IQCK: variants seen among roughly 807,000 people sequenced by gnomAD.
IQCK encodes IQ domain-containing protein K.
IQCK carries 29 observed loss-of-function variants against 28.1 expected under a neutral mutation model. That is an observed-to-expected ratio of 1.03 (90% confidence interval 0.77 to 1.41). IQCK has a LOEUF of 1.41. Ranked by LOEUF, IQCK falls within the 40% of genes most tolerant of loss-of-function variation. The pLI, the probability that IQCK is intolerant of heterozygous loss-of-function variation, is 0.00. For missense variants in IQCK, 359 were observed against 314.7 expected (o/e 1.14, Z -1.07); for synonymous variants, 113 against 115.1 (o/e 0.98, Z 0.12).
At chr16:19,780,049 ATTTATTTATTTG>A (rs1338478843) in intron 6 of IQCK, among the ~76,000 whole-genome samples, 1 of 106,452 alleles carries the variant, frequency 9.4e-6, no homozygotes, top group African/African-American at 3.9e-5. Flanking sequence ...TTATTTATTT[ATTTATTTATTTG>A]AGATGGAGTC....
intron 7 of IQCK, among the ~76,000 whole-genome samples, chr16:19,815,062 T>C (rs1336590166): frequency 6.6e-6 from 1 of 152,196 alleles, no homozygotes; most frequent in Non-Finnish European, 1.5e-5. Context: ...GCTGGGATTA[T>C]AGGCGTGAGC....
At chr16:19,855,393 A>T (rs1462217143) in intron 9 of IQCK, among the ~76,000 whole-genome samples, 2 of 152,118 alleles carry the variant, frequency 1.3e-5, no homozygotes, top group Non-Finnish European at 2.9e-5. Flanking sequence ...GGAGTTCGAG[A>T]CCAGCCTGGG....
chr16:19,854,761 C>T (rs1194286826), intron 9 of IQCK, among the ~76,000 whole-genome samples: 1 of 152,064 alleles, frequency 6.6e-6, no homozygotes, highest in African/African-American at 2.4e-5. Flanking sequence ...GGACTCTCCC[C>T]CAATCCCTGG....
intron 4 of IQCK, among the ~76,000 whole-genome samples, chr16:19,745,142 T>C (rs914949362): frequency 3.3e-5 from 5 of 152,200 alleles, no homozygotes; most frequent in African/African-American, 1.2e-4. Flanking sequence ...AAAATAAAAG[T>C]TAATGATAAG....
Position 19,781,240 on chromosome 16 carries a change from G to A in IQCK, c.606-7598G>A, listed in dbSNP as rs150499834. 2.6e-5 allele frequency among the ~76,000 whole-genome samples: 4 copies of A among 152,264 alleles called. No homozygotes were observed. The East Asian group carries it at 7.7e-4, about 29-fold the overall frequency. ...GGAATATTTTATCAAGAAATATCAA[G>A]TATCACAGCCTTGTTTTTTTAAAAA... is the stretch of plus-strand genomic sequence containing the variant. On this transcript the variant is annotated intron_variant, in intron 6 of 7. Transcript: ENST00000564186.
At chr16:19,723,726 G>C (rs1003118681) in intron 1 of IQCK, among the ~76,000 whole-genome samples, 1 of 152,100 alleles carries the variant, frequency 6.6e-6, no homozygotes, top group Non-Finnish European at 1.5e-5. Context: ...GACCGACGGG[G>C]CTGGATTGCC....
chr16:19,758,231 TTC>T (rs2055080286), intron 4 of IQCK, among the ~76,000 whole-genome samples: 1 of 152,208 alleles, frequency 6.6e-6, no homozygotes, highest in African/African-American at 2.4e-5. Context: ...TTGCTTTTCC[TTC>T]TCTCTTTCAG....
At position 19,845,982 on chromosome 16, in the gene IQCK, G is replaced by A. The variant is rs189865908; in HGVS notation, c.803-10505G>A. Among the ~76,000 whole-genome samples, 12 of 152,176 alleles carry A rather than the reference G, an allele frequency of 7.9e-5. No individual in the cohort carries two copies. In the East Asian group the frequency reaches 2.3e-3, roughly 29 times the overall value. On this transcript the variant is annotated intron_variant, in intron 9 of 9. Transcript: ENST00000320394. ...TCCCAGTTACTTGGGAGGCTGAGGT[G>A]GGGGGGATCACCTGAGCCCAGGAGG... is the stretch of plus-strand genomic sequence containing the variant.
chr16:19,826,657 C>T (rs1408545444), intron 7 of IQCK, among the ~76,000 whole-genome samples: 7 of 152,274 alleles, frequency 4.6e-5, no homozygotes, highest in African/African-American at 1.2e-4. Context: ...GGATTACAGG[C>T]GTAAGCCACC....
intron 9 of IQCK, among the ~76,000 whole-genome samples, chr16:19,852,587 G>A (rs1330920201): frequency 6.9e-6 from 1 of 145,568 alleles, no homozygotes; most frequent in African/African-American, 2.5e-5. Context: ...CACACTATAT[G>A]TATTATTCCG....
At chr16:19,725,022 G>A (rs1240397004) in intron 1 of IQCK, among the ~76,000 whole-genome samples, 1 of 152,044 alleles carries the variant, frequency 6.6e-6, no homozygotes, top group Non-Finnish European at 1.5e-5. Context: ...CTTCTGCTCT[G>A]CCTCTCCTAA....
At chr16:19,739,990 A>G (rs2054809511) in intron 4 of IQCK, among the ~76,000 whole-genome samples, 2 of 152,208 alleles carry the variant, frequency 1.3e-5, no homozygotes, top group South Asian at 4.1e-4. Flanking sequence ...GCATTACTCA[A>G]GGTCACCTAG....
At chr16:19,746,952 A>G (rs1213986213) in intron 4 of IQCK, among the ~76,000 whole-genome samples, 1 of 152,210 alleles carries the variant, frequency 6.6e-6, no homozygotes. Flanking sequence ...TTTTTGCCAT[A>G]TAATAAACTA....
chr16:19,726,385 G>A (rs1379240216), intron 1 of IQCK, among the ~76,000 whole-genome samples: 1 of 152,158 alleles, frequency 6.6e-6, no homozygotes. Context: ...ACAAGTGACT[G>A]TAAACTTTTT....
chr16:19,810,313 G>T (rs552933070), intron 7 of IQCK, among the ~76,000 whole-genome samples: 1 of 151,210 alleles, frequency 6.6e-6, no homozygotes, highest in African/African-American at 2.4e-5. Context: ...TGGCTAACAC[G>T]GTGAAACCCT....
chr16:19,718,496 C>T lies in IQCK; in HGVS notation c.181+9C>T, dbSNP rs1211078069. 1 of 1,588,468 alleles carries T rather than the reference C, an allele frequency of 6.3e-7. No individual in the cohort carries two copies. Among genetic ancestry groups the T allele is most frequent in the Non-Finnish European group, 8.6e-7 (1 of 1,168,424 alleles). ...GGAGCAGATCTGCAAGGGTAGGAAA[C>T]CTGGGCTGGCCGAGAGGGGCGGGAC... On this transcript the variant is annotated intron_variant, in intron 1 of 7. Transcript: ENST00000564186.
intron 6 of IQCK, among the ~76,000 whole-genome samples, chr16:19,784,400 C>G (rs929208902): frequency 1.3e-5 from 2 of 152,114 alleles, no homozygotes; most frequent in Non-Finnish European, 2.9e-5. Context: ...GTCCCTTTAC[C>G]CCTCTATGCC....
intron 9 of IQCK, among the ~76,000 whole-genome samples, chr16:19,855,957 C>T (rs187423626): frequency 2.0e-4 from 30 of 152,288 alleles, no homozygotes; most frequent in African/African-American, 6.7e-4. Context: ...ATTCCCCTTA[C>T]ACACAGAGCC....
At chr16:19,734,928 G>A (rs938756756) in intron 3 of IQCK, among the ~76,000 whole-genome samples, 2 of 152,054 alleles carry the variant, frequency 1.3e-5, no homozygotes, top group African/African-American at 4.8e-5. Context: ...GGTTTGTTCT[G>A]TGCCTTCTGC....
Sources: gnomAD v4.1 joint callset for allele counts (sites outside exome capture counted in the v4.1 genomes callset) on GRCh38, gnomAD v4.1.1 for gene constraint, MANE v1.5 for transcripts, NCBI Gene and HGNC (gene_info 2026-07-23, HGNC 2026-07-21) for gene names.